Variants in SLC12A2 observed in about 807,000 individuals in gnomAD.
SLC12A2 encodes solute carrier family 12 member 2, also known as Na-K-2Cl cotransporter 1.
A neutral mutation model predicts 136.3 loss-of-function variants in SLC12A2; 67 were observed. The ratio of observed to expected loss-of-function variants is 0.49; its 90% confidence interval spans 0.40 to 0.60. The LOEUF is 0.60. SLC12A2 is among the 20% of genes least tolerant of loss of function. The pLI, the probability that SLC12A2 is intolerant of heterozygous loss-of-function variation, is 0.00. For synonymous variants in SLC12A2, 619 were observed against 562.9 expected (o/e 1.10, Z -1.41); for missense variants, 1,322 against 1,534.7 (o/e 0.86, Z 2.32).
At chr5:128,094,579 ATGT>A (rs530464127) in intron 1 of SLC12A2, among the ~76,000 whole-genome samples, 2 of 152,100 alleles carry the variant, frequency 1.3e-5, no homozygotes, top group Admixed American at 1.3e-4. Context: ...CTCATGACAA[ATGT>A]TTTTATATCC....
chr5:128,097,078 C>T (rs987382807), intron 1 of SLC12A2, among the ~76,000 whole-genome samples: 2 of 152,000 alleles, frequency 1.3e-5, no homozygotes, highest in African/African-American at 2.4e-5. Context: ...CAGTCTCAAG[C>T]CTTCCTAGAA....
chr5:128,129,573 A>G (rs1225036029), intron 4 of SLC12A2, among the ~76,000 whole-genome samples: 3 of 152,096 alleles, frequency 2.0e-5, no homozygotes, highest in African/African-American at 7.2e-5. Context: ...ATAGGAATCA[A>G]CTAGAAAACC....
chr5:128,175,633 C>T (rs771873390), intron 20 of SLC12A2, among the ~76,000 whole-genome samples: 2 of 151,906 alleles, frequency 1.3e-5, no homozygotes, highest in Non-Finnish European at 2.9e-5. Context: ...GTGCACCCAA[C>T]ATTATAATGG....
intron 1 of SLC12A2, among the ~76,000 whole-genome samples, chr5:128,098,302 A>C (rs1229305211): frequency 6.6e-6 from 1 of 152,074 alleles, no homozygotes; most frequent in Non-Finnish European, 1.5e-5. Context: ...TTCCAGGTCT[A>C]GAATTTCTAA....
intron 1 of SLC12A2, chr5:128,110,147 G>A (rs1191140278): frequency 6.9e-6 from 6 of 872,786 alleles, no homozygotes; most frequent in Admixed American, 5.1e-5. Context: ...TACTTTCTTT[G>A]ACTAGAAAGG....
chr5:128,097,523 G>A (rs967698835), intron 1 of SLC12A2, among the ~76,000 whole-genome samples: 1 of 151,626 alleles, frequency 6.6e-6, no homozygotes, highest in Non-Finnish European at 1.5e-5. Context: ...TTTGTTTCTC[G>A]AATTATTCTT....
chr5:128,088,077 A>G (rs946642183), intron 1 of SLC12A2, among the ~76,000 whole-genome samples: 1 of 151,134 alleles, frequency 6.6e-6, no homozygotes, highest in South Asian at 2.1e-4. Flanking sequence ...ATATTTACAT[A>G]TAAAGATTTG....
At chr5:128,167,485 T>C (rs1449963920) in intron 17 of SLC12A2, among the ~76,000 whole-genome samples, 2 of 152,174 alleles carry the variant, frequency 1.3e-5, no homozygotes, top group African/African-American at 2.4e-5. Flanking sequence ...AGTAAAAATA[T>C]GAAAATTTTG....
chr5:128,126,961 T>C (rs1247423915), intron 4 of SLC12A2, among the ~76,000 whole-genome samples: 3 of 45,194 alleles, frequency 6.6e-5, no homozygotes, highest in African/African-American at 1.4e-4. Context: ...TATATATATA[T>C]ATATATTTTT....
At chr5:128,184,245 T>C in intron 24 of SLC12A2, 121 bp from the exon 25 acceptor site, 2 of 600,182 alleles carry the variant, frequency 3.3e-6, no homozygotes, top group Non-Finnish European at 5.7e-6. Flanking sequence ...GGTTGGGGTA[T>C]GGAGAGGAGC....
chr5:128,087,265 T>C (rs906653111), intron 1 of SLC12A2, among the ~76,000 whole-genome samples: 43 of 152,274 alleles, frequency 2.8e-4, no homozygotes, highest in African/African-American at 9.9e-4. Flanking sequence ...GGGAAGGGGG[T>C]ATCTTAGATG....
At chr5:128,176,836 T>C (rs1311344766) in intron 20 of SLC12A2, among the ~76,000 whole-genome samples, 1 of 152,076 alleles carries the variant, frequency 6.6e-6, no homozygotes, top group Non-Finnish European at 1.5e-5. Flanking sequence ...GTAAACATTT[T>C]AAAAATATGC....
intron 3 of SLC12A2, 107 bp downstream of exon 3, chr5:128,114,394 T>C: frequency 1.1e-6 from 1 of 901,026 alleles, no homozygotes; most frequent in South Asian, 1.5e-5. Flanking sequence ...AACTACGTTT[T>C]CCTTTATATC....
At chr5:128,127,344 A>G (rs1314878168) in intron 4 of SLC12A2, among the ~76,000 whole-genome samples, 1 of 151,896 alleles carries the variant, frequency 6.6e-6, no homozygotes, top group Non-Finnish European at 1.5e-5. Flanking sequence ...GATGGTCTCC[A>G]TCTCCTGACC....
intron 4 of SLC12A2, among the ~76,000 whole-genome samples, chr5:128,126,531 A>G (rs1368063590): frequency 6.6e-6 from 1 of 152,200 alleles, no homozygotes; most frequent in Non-Finnish European, 1.5e-5. Flanking sequence ...GTATATACCC[A>G]AAAGAAAGGA....
chr5:128,092,166 A>G (rs1561651331), intron 1 of SLC12A2, among the ~76,000 whole-genome samples: 1 of 152,220 alleles, frequency 6.6e-6, no homozygotes, highest in Non-Finnish European at 1.5e-5. Flanking sequence ...CTCTGTCCAT[A>G]CATCCCCATC....
chr5:128,160,700 A>C (rs1218926315), intron 16 of SLC12A2, among the ~76,000 whole-genome samples: 1 of 152,214 alleles, frequency 6.6e-6, no homozygotes, highest in African/African-American at 2.4e-5. Context: ...TGCATAAGAA[A>C]TAGGGGTATT....
chr5:128,110,695 C>A, intron 1 of SLC12A2: 1 of 1,416,838 alleles, frequency 7.1e-7, no homozygotes. Flanking sequence ...ATGAGCTCTG[C>A]AGCCCTGGAA....
At chr5:128,169,231 T>TTA (rs1554109537) in intron 18 of SLC12A2, 1 of 151,676 alleles carries the variant, frequency 6.6e-6, no homozygotes, top group Non-Finnish European at 1.5e-5. Context: ...AATTGTCCTT[T>TTA]AAAAAAAACT....
Sources: allele counts gnomAD v4.1 joint callset (sites outside exome capture counted in the v4.1 genomes callset), GRCh38; gene constraint gnomAD v4.1.1; transcripts MANE v1.5; gene names NCBI Gene and HGNC (gene_info 2026-07-23, HGNC 2026-07-21).